Variants in GARRE1 observed in about 807,000 individuals in gnomAD.
GARRE1 encodes the protein granule associated Rac and RHOG effector protein 1.
Under a neutral mutation model 103.2 loss-of-function variants are expected in GARRE1, and 49 were observed. That is an observed-to-expected ratio of 0.47 (90% CI 0.38 to 0.60). The LOEUF is 0.60. Among genes scored for constraint, GARRE1 ranks in the 20% least tolerant of loss-of-function variants. The pLI is 0.00. For synonymous variants in GARRE1, 505 were observed against 532.8 expected (o/e 0.95, Z 0.72); for missense variants, 1,199 against 1,370.5 (o/e 0.87, Z 1.98).
At chr19:34,319,475 A>G (rs989635407) in intron 2 of GARRE1, among the ~76,000 whole-genome samples, 2 of 152,224 alleles carry the variant, frequency 1.3e-5, no homozygotes, top group African/African-American at 4.8e-5. Context: ...GGAATGTCTT[A>G]TGGTCAAACT....
chr19:34,342,603 T>A (rs1449262519), intron 10 of GARRE1, 148 bp downstream of exon 10: 2 of 709,508 alleles, frequency 2.8e-6, no homozygotes, highest in African/African-American at 3.6e-5. Context: ...GAGGCAAGTA[T>A]GGGGCAGATC....
intron 1 of GARRE1, among the ~76,000 whole-genome samples, chr19:34,274,580 G>T (rs2073805992): frequency 6.6e-6 from 1 of 152,154 alleles, no homozygotes; most frequent in South Asian, 2.1e-4. Flanking sequence ...TTGATTTTGG[G>T]ACCTGTCCAC....
At chr19:34,344,460 G>A (rs1354900843) in intron 10 of GARRE1, among the ~76,000 whole-genome samples, 3 of 150,714 alleles carry the variant, frequency 2.0e-5, no homozygotes, top group African/African-American at 7.3e-5. Flanking sequence ...GCGTAGTGGC[G>A]GGCGCCTGTA....
chr19:34,262,211 C>T (rs568387350), intron 1 of GARRE1, among the ~76,000 whole-genome samples: 1 of 149,972 alleles, frequency 6.7e-6, no homozygotes, highest in East Asian at 1.9e-4. Flanking sequence ...TCTTGAACTC[C>T]TTACCTTGTG....
At chr19:34,341,383 T>C in intron 9 of GARRE1, 39 bp from the exon 10 acceptor site, 3 of 1,508,030 alleles carry the variant, frequency 2.0e-6, no homozygotes, top group Non-Finnish European at 2.7e-6. Context: ...TTTTATATAT[T>C]TGTCTTTTTT....
chr19:34,294,623 A>G (rs989221067), intron 1 of GARRE1, among the ~76,000 whole-genome samples: 9 of 89,850 alleles, frequency 1.0e-4, no homozygotes, highest in East Asian at 4.5e-4. Context: ...AGAGTTTTCT[A>G]TTGTTGTTTT....
chr19:34,289,480 AC>A (rs1213966617), intron 1 of GARRE1, among the ~76,000 whole-genome samples: 1 of 151,860 alleles, frequency 6.6e-6, no homozygotes, highest in Non-Finnish European at 1.5e-5. Flanking sequence ...TAATCCCAGC[AC>A]TTTGGGAGGC....
rs1205742477 is a variant in GARRE1, at chr19:34,300,671, C to T, written c.198C>T (p.Ala66=). 6.2e-7 allele frequency: 1 copy of T among 1,614,086 alleles called. No homozygotes were observed. Among genetic ancestry groups the T allele is most frequent in the Non-Finnish European group, 8.5e-7 (1 of 1,180,034 alleles). The change falls in exon 2 of 14, where the codon GCC becomes GCT. Residue 66 remains alanine (A), a synonymous_variant. Coordinates refer to ENST00000299505, the MANE Select transcript of GARRE1 (RefSeq NM_014686.5). The part of the protein sequence containing the change: ...SLTAAGSCHH[A]MPHTTPIADI... ...CCGCTGCAGGCAGCTGCCACCATGC[C>T]ATGCCCCACACTACTCCTATCGCCG...
In GARRE1 at chr19:34,300,920, G is replaced by A. The variant is rs1463263926; in HGVS notation, c.447G>A (p.Gly149=). The change falls in exon 2 of 14, where the codon GGG becomes GGA. Residue 149 remains glycine (G), a synonymous_variant. Transcript: ENST00000299505. The part of the protein sequence containing the change: ...IAKMLMELSA[G]AANFTDQKEF... ...AGATGCTAATGGAACTTAGTGCTGG[G>A]GCTGCAAATTTTACGGATCAGAAGG... is the stretch of plus-strand genomic sequence containing the variant. 6.2e-7 allele frequency: 1 copy of A among 1,606,260 alleles called. No homozygotes were observed. Among genetic ancestry groups the A allele is most frequent in the South Asian group, 1.1e-5 (1 of 91,076 alleles).
chr19:34,345,634 A>G (rs2074207498), intron 10 of GARRE1, among the ~76,000 whole-genome samples: 1 of 152,184 alleles, frequency 6.6e-6, no homozygotes, highest in African/African-American at 2.4e-5. Context: ...AGCCTGGCCA[A>G]CATGGCGAAA....
At chr19:34,294,429 C>CA (rs899434296) in intron 1 of GARRE1, among the ~76,000 whole-genome samples, 1,439 of 134,202 alleles carry the variant, frequency 0.011, 11 homozygotes, top group Non-Finnish European at 0.014. Flanking sequence ...TCTCTAAAAG[C>CA]AAAAAAAAAA....
In GARRE1 at chr19:34,348,014, T is replaced by TG; in HGVS notation, c.2661dup (p.Pro888AlafsTer28). On this transcript the variant is annotated frameshift_variant, in exon 11 of 14. Coordinates refer to ENST00000299505, the MANE Select transcript of GARRE1 (RefSeq NM_014686.5). LOFTEE classifies it high-confidence loss of function. ...GCCTATGGATGACGCGCATCGGACC[T>TG]GGCCCTTCCCCGAGTTCTTCACAGA... The TG allele has an allele frequency of 1.3e-6, 2 of 1,516,968 alleles. No homozygotes were observed. The highest frequency in any genetic ancestry group is 1.8e-6 in the Non-Finnish European group (2 of 1,124,544). 94.0% of individuals were successfully genotyped at this position (1,516,968 alleles called of 1,614,324 possible). A position where few individuals can be genotyped will look rare whatever the true frequency, so the allele number is the denominator to read the frequency against.
At chr19:34,297,709 G>A (rs2073954803) in intron 1 of GARRE1, among the ~76,000 whole-genome samples, 1 of 152,220 alleles carries the variant, frequency 6.6e-6, no homozygotes, top group South Asian at 2.1e-4. Flanking sequence ...TCTATAAATT[G>A]TGGAGCACTC....
At chr19:34,275,728 G>T (rs955309267) in intron 1 of GARRE1, among the ~76,000 whole-genome samples, 6 of 152,070 alleles carry the variant, frequency 3.9e-5, no homozygotes. Flanking sequence ...ATTTCTCTTG[G>T]ATATATATAC....
chr19:34,295,439 C>T (rs528685362), intron 1 of GARRE1, among the ~76,000 whole-genome samples: 57 of 152,058 alleles, frequency 3.7e-4, no homozygotes, highest in African/African-American at 1.3e-3. Context: ...AGGGAAAGTC[C>T]TTATTCTGCC....
intron 1 of GARRE1, among the ~76,000 whole-genome samples, chr19:34,284,470 G>A (rs540762405): frequency 3.9e-5 from 6 of 152,260 alleles, no homozygotes; most frequent in South Asian, 2.1e-4. Context: ...AATAGAAATC[G>A]CTGATGACTC....
intron 2 of GARRE1, among the ~76,000 whole-genome samples, chr19:34,318,273 C>G (rs778717960): frequency 3.0e-4 from 46 of 152,212 alleles, no homozygotes; most frequent in Non-Finnish European, 5.9e-4. Context: ...GAGAGGTCCA[C>G]ATGCGTGCCA....
At chr19:34,265,960 A>G (rs1200010547) in intron 1 of GARRE1, among the ~76,000 whole-genome samples, 1 of 152,246 alleles carries the variant, frequency 6.6e-6, no homozygotes. Flanking sequence ...ACCAGTAACT[A>G]CTGCATTTTG....
intron 2 of GARRE1, among the ~76,000 whole-genome samples, chr19:34,302,609 T>C (rs988532296): frequency 6.6e-6 from 1 of 151,794 alleles, no homozygotes; most frequent in Non-Finnish European, 1.5e-5. Context: ...ATTTTTATTA[T>C]ATTGAATCTT....
Sources: allele counts gnomAD v4.1 joint callset (sites outside exome capture counted in the v4.1 genomes callset), GRCh38; gene constraint gnomAD v4.1.1; transcripts MANE v1.5; gene names NCBI Gene and HGNC (gene_info 2026-07-23, HGNC 2026-07-21).